PCDHA2: variants seen among roughly 807,000 people sequenced by gnomAD.
The protein encoded by PCDHA2 is protocadherin alpha-2.
In PCDHA2, 58 loss-of-function variants were observed where a neutral mutation model predicts 66.0. That is an observed-to-expected ratio of 0.88 (90% CI 0.71 to 1.09). The LOEUF is 1.09. Among genes scored for constraint, PCDHA2 ranks in the 50% least tolerant of loss-of-function variants. PCDHA2 has a pLI of 0.00. For synonymous variants in PCDHA2, 634 were observed against 554.0 expected, an observed-to-expected ratio of 1.14 and a Z score of -2.03; for missense variants, 1,267 against 1,242.3, an observed-to-expected ratio of 1.02 and a Z score of -0.30.
At chr5:140,920,842 A>T (rs1377558160) in intron 1 of PCDHA2, among the ~76,000 whole-genome samples, 3 of 127,576 alleles carry the variant, frequency 2.4e-5, no homozygotes, top group Non-Finnish European at 5.0e-5. Context: ...GACCAAATCT[A>T]AAAAAAAAAA....
chr5:141,010,461 G>C lies in PCDHA2; in HGVS notation c.*524G>C. The C allele has an allele frequency of 1.2e-6, 1 of 823,014 alleles. No individual in the cohort carries two copies. The highest frequency in any genetic ancestry group is 1.8e-6 in the Non-Finnish European group (1 of 553,022). The allele number at this position is 823,014 out of a possible 1,614,324, so 51.0% of individuals were successfully genotyped here. A position where few individuals can be genotyped will look rare whatever the true frequency, so the allele number is the denominator to read the frequency against. On this transcript the variant is annotated 3_prime_UTR_variant, in exon 4 of 4. Coordinates refer to ENST00000526136, the MANE Select transcript of PCDHA2 (RefSeq NM_018905.3). ...GACAAATAAACAGCGGAAGTTATCAGTATGGAGGGGAAGTGTAAACTTAAA... is the reference window on the plus strand; with the variant it reads ...GACAAATAAACAGCGGAAGTTATCACTATGGAGGGGAAGTGTAAACTTAAA...
chr5:140,969,257 A>G, intron 1 of PCDHA2: 1 of 1,614,220 alleles, frequency 6.2e-7, no homozygotes, highest in Non-Finnish European at 8.5e-7. Context: ...TGACAGCAGG[A>G]ATCTCACAGG....
intron 1 of PCDHA2, chr5:140,856,066 C>A: frequency 6.3e-7 from 1 of 1,589,756 alleles, no homozygotes; most frequent in Non-Finnish European, 8.6e-7. Flanking sequence ...CCAGATGTAG[C>A]TGCCTGGGGG....
intron 1 of PCDHA2, chr5:140,825,308 A>C (rs758999879): frequency 6.7e-6 from 1 of 148,832 alleles, no homozygotes. Flanking sequence ...TGGAACAATG[A>C]TTTAATTTTC....
intron 3 of PCDHA2, among the ~76,000 whole-genome samples, chr5:140,985,438 C>T (rs1438547429): frequency 2.0e-5 from 3 of 152,038 alleles, no homozygotes; most frequent in Non-Finnish European, 2.9e-5. Flanking sequence ...TTAGTTGCTG[C>T]CTGAAGAAAA....
At chr5:140,826,364 C>T (rs1768919207) in intron 1 of PCDHA2, among the ~76,000 whole-genome samples, 1 of 152,040 alleles carries the variant, frequency 6.6e-6, no homozygotes, top group Non-Finnish European at 1.5e-5. Context: ...AAAATAACTG[C>T]AATAGAAAGT....
At chr5:140,891,722 T>C (rs534881594) in intron 1 of PCDHA2, among the ~76,000 whole-genome samples, 1 of 152,292 alleles carries the variant, frequency 6.6e-6, no homozygotes, top group East Asian at 1.9e-4. Flanking sequence ...CAAATTCATG[T>C]GTTGAAAATT....
At chr5:140,916,776 C>A (rs2153540006) in intron 1 of PCDHA2, among the ~76,000 whole-genome samples, 1 of 152,308 alleles carries the variant, frequency 6.6e-6, no homozygotes. Context: ...CACAAGCACT[C>A]CCTTAGCTGC....
chr5:140,858,663 C>A, intron 1 of PCDHA2: 1 of 735,366 alleles, frequency 1.4e-6, no homozygotes, highest in Non-Finnish European at 2.1e-6. Flanking sequence ...TTTTAAATAA[C>A]AATTTATTCT....
intron 3 of PCDHA2, among the ~76,000 whole-genome samples, chr5:141,005,308 T>TA (rs2098205734): frequency 6.6e-6 from 1 of 152,214 alleles, no homozygotes; most frequent in Non-Finnish European, 1.5e-5. Context: ...TTGTGAATCT[T>TA]ACAGTGGTAG....
chr5:140,855,039 TG>T lies in PCDHA2; in HGVS notation c.2388+57688del, dbSNP rs1451069015. ...AAACTTCTTGTATAAAGGATTTTTC[TG>T]TAATAGTACTTTTCTGTTTTCTTAA... On this transcript the variant is annotated intron_variant, in intron 1 of 3. Transcript: ENST00000526136. Among the ~76,000 whole-genome samples, 12 of 150,016 alleles carry T rather than the reference TG, an allele frequency of 8.0e-5. 1 individual carries two copies. Among genetic ancestry groups the T allele is most frequent in the African/African-American group, 2.9e-4 (12 of 40,938 alleles).
At chr5:140,875,395 GT>G in intron 1 of PCDHA2, 1 of 1,478,260 alleles carries the variant, frequency 6.8e-7, no homozygotes, top group African/African-American at 1.4e-5. Context: ...ACAGAAAAGG[GT>G]GACTGCTCAT....
chr5:140,815,943 A>G (rs2126668159), intron 1 of PCDHA2: 1 of 152,186 alleles, frequency 6.6e-6, no homozygotes, highest in African/African-American at 2.4e-5. Flanking sequence ...TGAGAAATCT[A>G]CTGGTAGAGT....
At chr5:141,005,809 C>T (rs1554260384) in intron 3 of PCDHA2, among the ~76,000 whole-genome samples, 1 of 150,480 alleles carries the variant, frequency 6.6e-6, no homozygotes, top group Admixed American at 6.6e-5. Flanking sequence ...TCCAAGGAGC[C>T]AGGTATGGTG....
At chr5:140,954,948 G>A (rs1163066790) in intron 1 of PCDHA2, among the ~76,000 whole-genome samples, 2 of 152,204 alleles carry the variant, frequency 1.3e-5, no homozygotes, top group Non-Finnish European at 1.5e-5. Flanking sequence ...GTTAATTTTT[G>A]TATAAGATGT....
At position 140,797,005 on chromosome 5, in the gene PCDHA2, C is replaced by A. The variant is rs1219238671; in HGVS notation, c.2041C>A (p.Arg681=). 11 of 1,613,566 alleles carry A rather than the reference C, an allele frequency of 6.8e-6. No homozygotes were observed. In the African/African-American group the frequency reaches 8.0e-5, roughly 12 times the overall value. The change falls in exon 1 of 4, where the codon CGG becomes AGG. Residue 681 remains arginine, a synonymous_variant. Coordinates refer to ENST00000526136, the MANE Select transcript of PCDHA2 (RefSeq NM_018905.3). ...TGGCCAGGCACCCAAGGCCTCGTCGCGGGCGTGGGTGGGCGCCGCGGGCTC... is the reference window on the plus strand; with the variant it reads ...TGGCCAGGCACCCAAGGCCTCGTCGAGGGCGTGGGTGGGCGCCGCGGGCTC... ...ESGQAPKASS[R]AWVGAAGSEA...
intron 1 of PCDHA2, chr5:140,809,430 G>A (rs1554125207): frequency 6.2e-7 from 1 of 1,614,214 alleles, no homozygotes. Context: ...GTGGGGAGCT[G>A]GTCATACTCG....
chr5:140,876,069 A>G (rs1554168246), intron 1 of PCDHA2: 1 of 1,613,948 alleles, frequency 6.2e-7, no homozygotes, highest in South Asian at 1.1e-5. Flanking sequence ...TTCGGAAGTT[A>G]TTGGACAGAG....
intron 1 of PCDHA2, chr5:140,857,011 T>C (rs2044320012): frequency 1.3e-6 from 2 of 1,596,036 alleles, no homozygotes; most frequent in Admixed American, 1.7e-5. Flanking sequence ...ATGTAGATGT[T>C]ACAGATAAGG....
Sources: allele counts gnomAD v4.1 joint callset (sites outside exome capture counted in the v4.1 genomes callset), GRCh38; gene constraint gnomAD v4.1.1; transcripts MANE v1.5; gene names NCBI Gene and HGNC (gene_info 2026-07-23, HGNC 2026-07-21).